The following SCMH1 variants were observed in gnomAD, a reference collection of about 807,000 sequenced individuals.
SCMH1 encodes the protein polycomb protein SCMH1.
Under a neutral mutation model 70.8 loss-of-function variants are expected in SCMH1, and 37 were observed. The ratio of observed to expected loss-of-function variants is 0.52; its 90% CI spans 0.40 to 0.69. The LOEUF is 0.69. SCMH1 is among the 30% of genes least tolerant of loss of function. SCMH1 has a pLI of 0.00. For synonymous variants in SCMH1, 292 were observed against 307.4 expected (o/e 0.95, Z 0.52); for missense variants, 607 against 827.3 (o/e 0.73, Z 3.27).
chr1:41,152,633 C>A, intron 4 of SCMH1: 58 of 1,614,114 alleles, frequency 3.6e-5, no homozygotes, highest in Non-Finnish European at 4.8e-5. Context: ...AGGGAAGGTC[C>A]CAGAGAATCT....
chr1:41,107,274 C>T (rs1007945592), intron 8 of SCMH1, among the ~76,000 whole-genome samples: 3 of 151,870 alleles, frequency 2.0e-5, no homozygotes, highest in African/African-American at 7.3e-5. Context: ...TCCCTCTGTA[C>T]TTTATTCCTC....
intron 1 of SCMH1, among the ~76,000 whole-genome samples, chr1:41,196,657 T>C (rs1653089924): frequency 2.0e-5 from 3 of 152,280 alleles, no homozygotes; most frequent in Middle Eastern, 6.8e-3. Context: ...CTATAGGATA[T>C]GACAGATAAA....
chr1:41,239,056 A>G (rs1252683024), intron 1 of SCMH1, among the ~76,000 whole-genome samples: 3 of 152,114 alleles, frequency 2.0e-5, no homozygotes, highest in African/African-American at 4.8e-5. Context: ...CTATGACCAC[A>G]TTTTAAAAAT....
At chr1:41,209,440 C>T (rs560487511) in intron 1 of SCMH1, among the ~76,000 whole-genome samples, 95 of 152,268 alleles carry the variant, frequency 6.2e-4, no homozygotes, top group East Asian at 1.5e-3. Flanking sequence ...CCAATATCCC[C>T]GATGAACATC....
At chr1:41,225,050 A>G (rs909151909) in intron 1 of SCMH1, among the ~76,000 whole-genome samples, 6 of 152,210 alleles carry the variant, frequency 3.9e-5, no homozygotes, top group Admixed American at 3.9e-4. Context: ...AAGAGCAGAC[A>G]AATTCAATTA....
intron 2 of SCMH1, among the ~76,000 whole-genome samples, chr1:41,168,510 T>C (rs1232050352): frequency 6.6e-6 from 1 of 152,196 alleles, no homozygotes; most frequent in Non-Finnish European, 1.5e-5. Flanking sequence ...TCTATCTCTT[T>C]GTCAAAGTTC....
chr1:41,099,805 G>A (rs750304294), intron 8 of SCMH1, among the ~76,000 whole-genome samples: 1 of 152,280 alleles, frequency 6.6e-6, no homozygotes, highest in Middle Eastern at 3.4e-3. Context: ...CTGGAGGTTT[G>A]TGAAGTTTAC....
At chr1:41,152,442 T>C (rs1440608296) in intron 4 of SCMH1, among the ~76,000 whole-genome samples, 1 of 152,190 alleles carries the variant, frequency 6.6e-6, no homozygotes, top group Non-Finnish European at 1.5e-5. Context: ...TGAAGAACAC[T>C]GTCCTAGATA....
intron 6 of SCMH1, among the ~76,000 whole-genome samples, chr1:41,135,064 T>A (rs569435628): frequency 2.0e-5 from 3 of 152,224 alleles, no homozygotes; most frequent in Non-Finnish European, 4.4e-5. Flanking sequence ...ATTGTTGTTT[T>A]AAATATGTTA....
intron 6 of SCMH1, among the ~76,000 whole-genome samples, chr1:41,125,715 A>G (rs963187377): frequency 1.3e-5 from 2 of 151,416 alleles, no homozygotes; most frequent in Non-Finnish European, 2.9e-5. Context: ...CTGGGACCAC[A>G]GATGCGTGAC....
intron 1 of SCMH1, among the ~76,000 whole-genome samples, chr1:41,198,547 T>A (rs1653579717): frequency 6.6e-6 from 1 of 152,218 alleles, no homozygotes; most frequent in African/African-American, 2.4e-5. Context: ...GGAGCTTTCA[T>A]AAATTTTCTA....
chr1:41,206,587 G>C (rs1055951799), intron 1 of SCMH1, among the ~76,000 whole-genome samples: 1 of 152,224 alleles, frequency 6.6e-6, no homozygotes, highest in Non-Finnish European at 1.5e-5. Flanking sequence ...GAAAGTTACA[G>C]GGAGAATGGA....
intron 1 of SCMH1, among the ~76,000 whole-genome samples, chr1:41,210,716 ATTAAAGAC>A (rs1656816261): frequency 2.0e-5 from 3 of 152,212 alleles, no homozygotes; most frequent in African/African-American, 7.2e-5. Context: ...TTCAAGATGA[ATTAAAGAC>A]TTAAATGTTA....
chr1:41,093,939 A>G (rs1490796783), intron 8 of SCMH1, among the ~76,000 whole-genome samples: 1 of 152,200 alleles, frequency 6.6e-6, no homozygotes, highest in African/African-American at 2.4e-5. Context: ...TTTTGAGAAA[A>G]CGTCTGCCAA....
chr1:41,058,941 CTTAGA>C (rs1336894846), intron 10 of SCMH1, among the ~76,000 whole-genome samples: 2 of 152,292 alleles, frequency 1.3e-5, no homozygotes, highest in South Asian at 2.1e-4. Context: ...AAGAGCTAGA[CTTAGA>C]TTATAGACCT....
At chr1:41,171,527 T>TAA (rs35440227) in intron 2 of SCMH1, among the ~76,000 whole-genome samples, 50 of 145,490 alleles carry the variant, frequency 3.4e-4, no homozygotes, top group African/African-American at 7.8e-4. Context: ...CATTAAAAAT[T>TAA]AAAAAAAAAA....
rs373229472 is a variant in SCMH1, at chr1:41,089,787, C to CTTTTTTTTTTTTTTTTTTTTTTTTTT, written c.746-14337_746-14336insAAAAAAAAAAAAAAAAAAAAAAAAAA. Reference sequence around the variant, plus strand: ...TTATTCCACTCTAACCATGTTGTCTCTTTTTTTTTTTTTTTTTTTTTTGAG... The same window carrying CTTTTTTTTTTTTTTTTTTTTTTTTTT: ...TTATTCCACTCTAACCATGTTGTCTCTTTTTTTTTTTTTTTTTTTTTTTTTTTTTTTTTTTTTTTTTTTTTTTTGAG... On this transcript the variant is annotated intron_variant, in intron 8 of 14. Coordinates refer to ENST00000337495, the Ensembl canonical transcript of SCMH1. Among the ~76,000 whole-genome samples, 27 of 58,752 alleles carry CTTTTTTTTTTTTTTTTTTTTTTTTTT rather than the reference C, an allele frequency of 4.6e-4. 9 individuals carry two copies. The highest frequency in any genetic ancestry group is 9.6e-4 in the Admixed American group (4 of 4,156). 38.5% of individuals were successfully genotyped at this position (58,752 alleles called of 152,430 possible).
chr1:41,117,101 A>G (rs1166356028), intron 6 of SCMH1, 91 bp from the exon 7 acceptor site: 17 of 937,294 alleles, frequency 1.8e-5, no homozygotes, highest in Non-Finnish European at 2.7e-5. Context: ...CCGAGGCAAG[A>G]GACCGAGGGC....
chr1:41,198,321 A>G (rs1047077236), intron 1 of SCMH1, among the ~76,000 whole-genome samples: 2 of 152,174 alleles, frequency 1.3e-5, no homozygotes, highest in African/African-American at 2.4e-5. Context: ...CTCAAAGCCA[A>G]TATCCAAAAG....
Sources: allele counts gnomAD v4.1 joint callset (sites outside exome capture counted in the v4.1 genomes callset), GRCh38; gene constraint gnomAD v4.1.1; transcripts MANE v1.5; gene names NCBI Gene and HGNC (gene_info 2026-07-23, HGNC 2026-07-21).